Variants in WDR7 observed in about 807,000 individuals in gnomAD.
WDR7 encodes WD repeat-containing protein 7.
In WDR7, 46 loss-of-function variants were observed where a neutral mutation model predicts 169.4. That is an observed-to-expected ratio of 0.27 (90% CI 0.21 to 0.35). WDR7 has a LOEUF of 0.35. Among genes scored for constraint, WDR7 ranks in the 10% least tolerant of loss-of-function variants. The probability of loss-of-function intolerance (pLI) is 1.00; values close to 1 mark genes in which losing one functional copy is unlikely to be tolerated. For missense variants in WDR7, 1,534 were observed against 1,859.3 expected, an observed-to-expected ratio of 0.83 and a Z score of 3.22; for synonymous variants, 612 against 666.8, an observed-to-expected ratio of 0.92 and a Z score of 1.27.
chr18:56,767,635 T>A (rs189803069), intron 16 of WDR7, among the ~76,000 whole-genome samples: 89 of 152,376 alleles, frequency 5.8e-4, no homozygotes, highest in African/African-American at 1.9e-3. Context: ...TGTTACTCCA[T>A]CTTGGCCAGA....
At chr18:56,980,438 T>A (rs1427098915) in intron 26 of WDR7, among the ~76,000 whole-genome samples, 2 of 152,156 alleles carry the variant, frequency 1.3e-5, no homozygotes, top group African/African-American at 4.8e-5. Context: ...ACTCATTCAT[T>A]TAACACATGT....
chr18:56,947,559 C>T (rs1327239391), intron 25 of WDR7, among the ~76,000 whole-genome samples: 3 of 152,218 alleles, frequency 2.0e-5, no homozygotes, highest in Non-Finnish European at 4.4e-5. Context: ...AATTCCTTTG[C>T]AAGTTGCCAC....
intron 12 of WDR7, among the ~76,000 whole-genome samples, chr18:56,704,724 A>T (rs2025910278): frequency 2.0e-5 from 3 of 152,188 alleles, no homozygotes; most frequent in Admixed American, 2.0e-4. Flanking sequence ...TCCTTAGCTG[A>T]CTGTGCTGAT....
At chr18:56,952,053 G>C (rs189186802) in intron 25 of WDR7, among the ~76,000 whole-genome samples, 1 of 152,014 alleles carries the variant, frequency 6.6e-6, no homozygotes, top group South Asian at 2.1e-4. Flanking sequence ...TATCTTATCC[G>C]CTTCCACCTG....
chr18:56,689,978 G>A (rs1230049510), intron 7 of WDR7, among the ~76,000 whole-genome samples: 1 of 152,004 alleles, frequency 6.6e-6, no homozygotes. Flanking sequence ...CTTCAAGGCT[G>A]TATACAAGCA....
At chr18:56,828,501 A>T (rs2045251231) in intron 20 of WDR7, among the ~76,000 whole-genome samples, 1 of 152,226 alleles carries the variant, frequency 6.6e-6, no homozygotes, top group Admixed American at 6.5e-5. Flanking sequence ...TAGACTTTAG[A>T]AAACATGTTT....
In WDR7 at chr18:56,757,001, T is replaced by G; in HGVS notation, c.2408T>G (p.Phe803Cys). ...YNLTMDTAKL[F>C]MSCLHAWGLN... ...TTAACTATGGACACTGCAAAGCTGT[T>G]TATGTCCTGCCTTCACGCCTGGGGT... Residue 803 changes from phenylalanine (F) to cysteine (C), a missense_variant, in exon 15 of 28, where the codon TTT becomes TGT. Physicochemically the swap from Phe to Cys is radical, Grantham distance 205. Coordinates refer to ENST00000254442, the MANE Select transcript of WDR7 (RefSeq NM_015285.3). The G allele has an allele frequency of 6.2e-7, 1 of 1,614,162 alleles. No individual in the cohort carries two copies. Among genetic ancestry groups the G allele is most frequent in the South Asian group, 1.1e-5 (1 of 91,078 alleles).
At chr18:56,710,003 G>GTTTTTTT (rs74182155) in intron 12 of WDR7, among the ~76,000 whole-genome samples, 1 of 128,678 alleles carries the variant, frequency 7.8e-6, no homozygotes, top group African/African-American at 2.9e-5. Context: ...TATATATATA[G>GTTTTTTT]TTGTTTTTTT....
chr18:56,770,799 T>C (rs77195946), intron 16 of WDR7, among the ~76,000 whole-genome samples: 1 of 151,366 alleles, frequency 6.6e-6, no homozygotes, highest in Non-Finnish European at 1.5e-5. Context: ...AAGGATATCC[T>C]TTTTTTTTCC....
intron 21 of WDR7, among the ~76,000 whole-genome samples, chr18:56,918,221 C>T (rs1350467604): frequency 6.6e-6 from 1 of 152,156 alleles, no homozygotes; most frequent in Non-Finnish European, 1.5e-5. Flanking sequence ...AGAAACACCA[C>T]TGATTTGATA....
At chr18:57,000,799 A>C (rs1185473723) in intron 26 of WDR7, among the ~76,000 whole-genome samples, 1 of 152,216 alleles carries the variant, frequency 6.6e-6, no homozygotes, top group African/African-American at 2.4e-5. Context: ...AGCTCTTAAT[A>C]AATTTCTGGT....
intron 25 of WDR7, among the ~76,000 whole-genome samples, chr18:56,942,143 G>A (rs1442303111): frequency 6.6e-6 from 1 of 152,176 alleles, no homozygotes; most frequent in East Asian, 1.9e-4. Flanking sequence ...CCGACAAATA[G>A]AAGGCATGGT....
intron 26 of WDR7, among the ~76,000 whole-genome samples, chr18:56,975,146 G>T (rs1396396890): frequency 6.6e-6 from 1 of 152,026 alleles, no homozygotes; most frequent in Non-Finnish European, 1.5e-5. Flanking sequence ...AGAGGCAGGA[G>T]AATCGCTTGA....
chr18:56,770,539 A>C lies in WDR7; in HGVS notation c.2849-6243A>C, dbSNP rs926480653. Among the ~76,000 whole-genome samples the C allele has an allele frequency of 1.2e-4, 18 of 152,264 alleles. 1 individual carries two copies. Among genetic ancestry groups the C allele is most frequent in the African/African-American group, 4.1e-4 (17 of 41,570 alleles). On this transcript the variant is annotated intron_variant, in intron 16 of 27. Coordinates refer to ENST00000254442, the MANE Select transcript of WDR7 (RefSeq NM_015285.3). ...CTTTGTTTTTTGACTTTTTGATTTG[A>C]GTTATAGGCCAAGGTAAAATTTTCA...
At chr18:56,972,838 G>T (rs28714640) in intron 26 of WDR7, among the ~76,000 whole-genome samples, 7,089 of 151,130 alleles carry the variant, frequency 0.047, 503 homozygotes, top group African/African-American at 0.16. Context: ...GTACTTCTTG[G>T]TTTTTTTTTG....
intron 26 of WDR7, among the ~76,000 whole-genome samples, chr18:56,994,384 T>G (rs1186639870): frequency 1.5e-5 from 1 of 66,076 alleles, no homozygotes; most frequent in African/African-American, 1.0e-4. Context: ...TATGTTCTGT[T>G]GAAGTAAGTG....
intron 20 of WDR7, among the ~76,000 whole-genome samples, chr18:56,838,417 T>C (rs1419628627): frequency 6.6e-6 from 1 of 152,208 alleles, no homozygotes; most frequent in Non-Finnish European, 1.5e-5. Context: ...AAGTTAAGTA[T>C]AGTTTTCCTT....
intron 26 of WDR7, among the ~76,000 whole-genome samples, chr18:56,996,804 T>C (rs1389286753): frequency 6.6e-6 from 1 of 152,210 alleles, no homozygotes; most frequent in African/African-American, 2.4e-5. Flanking sequence ...ATGTTCCATA[T>C]CTACCTATCC....
chr18:56,750,830 A>G (rs1027873438), intron 14 of WDR7, among the ~76,000 whole-genome samples: 4 of 152,198 alleles, frequency 2.6e-5, no homozygotes, highest in African/African-American at 9.6e-5. Flanking sequence ...TAATGCTGCC[A>G]TCTCCATGCA....
Sources: allele counts gnomAD v4.1 joint callset (sites outside exome capture counted in the v4.1 genomes callset), GRCh38; gene constraint gnomAD v4.1.1; transcripts MANE v1.5; gene names NCBI Gene and HGNC (gene_info 2026-07-23, HGNC 2026-07-21).